MALRD1: variants seen among roughly 807,000 people sequenced by gnomAD.
MALRD1 encodes the protein MAM and LDL-receptor class A domain-containing protein 1.
In MALRD1, 247 loss-of-function variants were observed where a neutral mutation model predicts 242.1. The ratio of observed to expected loss-of-function variants is 1.02; its 90% CI spans 0.92 to 1.13. The LOEUF is 1.13. MALRD1 is among the 50% of genes most tolerant of loss of function. The pLI is 0.00. For missense variants in MALRD1, 2,989 were observed against 2,533.1 expected (o/e 1.18, Z -3.86); for synonymous variants, 995 against 866.6 (o/e 1.15, Z -2.60).
intron 33 of MALRD1, among the ~76,000 whole-genome samples, chr10:19,591,464 T>C (rs955713538): frequency 5.9e-5 from 9 of 151,628 alleles, no homozygotes; most frequent in Non-Finnish European, 1.2e-4. Flanking sequence ...TGGCCACACT[T>C]ACTTCTTTCT....
chr10:19,192,575 C>T (rs908138867), intron 14 of MALRD1, among the ~76,000 whole-genome samples: 2 of 152,082 alleles, frequency 1.3e-5, no homozygotes, highest in Non-Finnish European at 2.9e-5. Flanking sequence ...GAGAATAAGC[C>T]AGGAAGATTT....
At chr10:19,441,971 A>T (rs528493880) in intron 28 of MALRD1, among the ~76,000 whole-genome samples, 2 of 152,268 alleles carry the variant, frequency 1.3e-5, no homozygotes, top group South Asian at 4.1e-4. Context: ...ATGAGCATGG[A>T]ATGTTCTTCC....
chr10:19,110,759 A>G (rs1054527101), intron 5 of MALRD1, among the ~76,000 whole-genome samples: 5 of 152,112 alleles, frequency 3.3e-5, no homozygotes, highest in Non-Finnish European at 7.4e-5. Context: ...CCCTTCAGCA[A>G]TGTCTTTATA....
At chr10:19,695,311 G>C (rs1423762052) in intron 38 of MALRD1, among the ~76,000 whole-genome samples, 3 of 152,070 alleles carry the variant, frequency 2.0e-5, no homozygotes, top group African/African-American at 7.2e-5. Context: ...ATTACTGGTG[G>C]TGCCTGGGGA....
intron 36 of MALRD1, among the ~76,000 whole-genome samples, chr10:19,620,879 A>C (rs1029669294): frequency 6.6e-6 from 1 of 151,982 alleles, no homozygotes; most frequent in Non-Finnish European, 1.5e-5. Flanking sequence ...ACTACCATTC[A>C]AAAAAGAATT....
At chr10:19,057,228 G>T (rs1056090910) in intron 1 of MALRD1, among the ~76,000 whole-genome samples, 2 of 152,102 alleles carry the variant, frequency 1.3e-5, no homozygotes, top group African/African-American at 2.4e-5. Flanking sequence ...GTCTTTTGAT[G>T]AATTCAGTAC....
At chr10:19,621,199 A>T (rs1839384098) in intron 36 of MALRD1, among the ~76,000 whole-genome samples, 1 of 151,628 alleles carries the variant, frequency 6.6e-6, no homozygotes, top group Non-Finnish European at 1.5e-5. Context: ...CAACAAAGAA[A>T]CATGGTGTAA....
chr10:19,437,052 A>G (rs756020942), intron 28 of MALRD1, among the ~76,000 whole-genome samples: 7 of 150,932 alleles, frequency 4.6e-5, no homozygotes, highest in African/African-American at 1.7e-4. Context: ...TGATTCTTCA[A>G]ACACTGAAAG....
At chr10:19,619,086 C>A (rs1301775861) in intron 36 of MALRD1, among the ~76,000 whole-genome samples, 1 of 152,066 alleles carries the variant, frequency 6.6e-6, no homozygotes, top group Non-Finnish European at 1.5e-5. Flanking sequence ...ATTTGGTTAT[C>A]TCCTAGCCAT....
chr10:19,241,668 T>C (rs1838780526), intron 18 of MALRD1, among the ~76,000 whole-genome samples: 1 of 152,094 alleles, frequency 6.6e-6, no homozygotes, highest in African/African-American at 2.4e-5. Context: ...AAATCTTTCT[T>C]CTTTTTTGGT....
chr10:19,113,819 A>ACACACACACACACACT (rs1836773341), intron 5 of MALRD1, among the ~76,000 whole-genome samples: 1 of 147,106 alleles, frequency 6.8e-6, no homozygotes, highest in Non-Finnish European at 1.5e-5. Context: ...ACACACACAC[A>ACACACACACACACACT]CACACACACA....
chr10:19,351,681 G>T lies in MALRD1; in HGVS notation c.4150-325G>T, dbSNP rs117537203. ...TAATGCATAGCAATTTAATGATCTT[G>T]TATTCCTTTGACAATGGGCTCTAAG... On this transcript the variant is annotated intron_variant, in intron 25 of 39. Transcript: ENST00000454679. Among the ~76,000 whole-genome samples, 1,032 of 152,250 alleles carry T rather than the reference G, an allele frequency of 6.8e-3. 3 individuals are homozygous for T. Among genetic ancestry groups the T allele is most frequent in the Non-Finnish European group, 0.011 (756 of 68,008 alleles).
chr10:19,357,552 A>G (rs748158592), intron 26 of MALRD1, among the ~76,000 whole-genome samples: 16 of 152,122 alleles, frequency 1.1e-4, no homozygotes, highest in Non-Finnish European at 2.1e-4. Context: ...TCCTTATTTT[A>G]TATTACTTTA....
chr10:19,352,688 T>A (rs1173381023), intron 26 of MALRD1, among the ~76,000 whole-genome samples: 1 of 152,214 alleles, frequency 6.6e-6, no homozygotes, highest in Non-Finnish European at 1.5e-5. Context: ...TTTGTGGTTA[T>A]GATATTTGCC....
In MALRD1 at chr10:19,238,463, AATATAATATATAATATACAT is replaced by A. The variant is rs1838547364; in HGVS notation, c.2992-19220_2992-19201del. On this transcript the variant is annotated intron_variant, in intron 18 of 39. Transcript: ENST00000454679. The stretch of plus-strand genomic sequence containing the variant: ...ATAATATACATTATATATAATATAT[AATATAATATATAATATACAT>A]TATATATAATATATAATATAATATA... Among the ~76,000 whole-genome samples the A allele has an allele frequency of 5.4e-5, 2 of 36,978 alleles. 1 individual carries two copies. Among genetic ancestry groups the A allele is most frequent in the Non-Finnish European group, 8.0e-5 (2 of 25,144 alleles). 24.3% of individuals were successfully genotyped at this position (36,978 alleles called of 152,430 possible). A position where few individuals can be genotyped will look rare whatever the true frequency, so the allele number is the denominator to read the frequency against.
At chr10:19,239,220 G>C (rs534986986) in intron 18 of MALRD1, among the ~76,000 whole-genome samples, 3 of 151,872 alleles carry the variant, frequency 2.0e-5, no homozygotes, top group Admixed American at 2.0e-4. Flanking sequence ...CATCATGTTT[G>C]GCTAAATTTT....
At chr10:19,154,095 G>A (rs567900184) in intron 11 of MALRD1, among the ~76,000 whole-genome samples, 4 of 152,210 alleles carry the variant, frequency 2.6e-5, no homozygotes, top group Admixed American at 2.0e-4. Flanking sequence ...CGCATGCACT[G>A]TTTCCATTAC....
At chr10:19,326,342 T>A (rs1843135102) in intron 22 of MALRD1, among the ~76,000 whole-genome samples, 1 of 152,090 alleles carries the variant, frequency 6.6e-6, no homozygotes, top group Admixed American at 6.6e-5. Flanking sequence ...TAGATGAACT[T>A]TTTTAAAAGG....
chr10:19,227,735 C>T (rs1422077001), intron 18 of MALRD1, among the ~76,000 whole-genome samples: 1 of 151,914 alleles, frequency 6.6e-6, no homozygotes, highest in African/African-American at 2.4e-5. Flanking sequence ...AGAATGTACA[C>T]ATAACTAAAA....
Sources: allele counts gnomAD v4.1 joint callset (sites outside exome capture counted in the v4.1 genomes callset), GRCh38; gene constraint gnomAD v4.1.1; transcripts MANE v1.5; gene names NCBI Gene and HGNC (gene_info 2026-07-23, HGNC 2026-07-21).